KLF12: variants seen among roughly 807,000 people sequenced by gnomAD.
KLF12 encodes KLF transcription factor 12, also known as Krueppel-like factor 12.
A neutral mutation model predicts 37.8 loss-of-function variants in KLF12; 9 were observed. The ratio of observed to expected loss-of-function variants is 0.24; its 90% CI spans 0.14 to 0.42. The LOEUF is 0.42. Among genes scored for constraint, KLF12 ranks in the 10% least tolerant of loss-of-function variants. The probability of loss-of-function intolerance (pLI) is 1.00; values close to 1 mark genes in which losing one functional copy is unlikely to be tolerated. For missense variants in KLF12, 411 were observed against 516.0 expected, an observed-to-expected ratio of 0.80 and a Z score of 1.97; for synonymous variants, 208 against 202.1, an observed-to-expected ratio of 1.03 and a Z score of -0.25.
At chr13:74,246,020 C>G in the KLF12 span, among the ~76,000 whole-genome samples, 1 of 152,184 alleles carries the variant, frequency 6.6e-6, no homozygotes, top group African/African-American at 2.4e-5. Context: ...ACCTAAAGGT[C>G]TTTTTCTCAA....
intron 2 of KLF12, among the ~76,000 whole-genome samples, chr13:73,959,220 G>A (rs941117073): frequency 2.6e-5 from 4 of 151,030 alleles, no homozygotes; most frequent in Non-Finnish European, 5.9e-5. Context: ...TATTTCTCAG[G>A]CTAGCAACTG....
intron 3 of KLF12, among the ~76,000 whole-genome samples, chr13:73,890,680 G>A (rs1887462534): frequency 6.6e-6 from 1 of 151,254 alleles, no homozygotes; most frequent in African/African-American, 2.4e-5. Context: ...CCTACACTAA[G>A]TAACATAATC....
chr13:73,909,858 T>C (rs1473700425), intron 3 of KLF12, among the ~76,000 whole-genome samples: 1 of 152,254 alleles, frequency 6.6e-6, no homozygotes, highest in African/African-American at 2.4e-5. Context: ...TTGGTTTTTC[T>C]TGATCTACTA....
chr13:73,857,474 G>A (rs746441132), intron 3 of KLF12, among the ~76,000 whole-genome samples: 24 of 152,040 alleles, frequency 1.6e-4, no homozygotes, highest in East Asian at 3.9e-4. Flanking sequence ...AAAATGTGAC[G>A]GAATTTGTTT....
chr13:73,887,601 A>G (rs946170702), intron 3 of KLF12, among the ~76,000 whole-genome samples: 9 of 152,298 alleles, frequency 5.9e-5, no homozygotes, highest in Admixed American at 4.6e-4. Context: ...GAGCCAATTA[A>G]ACCTCTTTTC....
chr13:73,820,767 G>A (rs924954087), intron 4 of KLF12, among the ~76,000 whole-genome samples: 2 of 152,140 alleles, frequency 1.3e-5, no homozygotes, highest in South Asian at 2.1e-4. Context: ...ACCTCATAAT[G>A]TTCTTATAAT....
intron 3 of KLF12, among the ~76,000 whole-genome samples, chr13:73,916,847 T>C (rs911474300): frequency 6.6e-6 from 1 of 152,228 alleles, no homozygotes; most frequent in African/African-American, 2.4e-5. Flanking sequence ...TTCTACACTG[T>C]AAGTGCAAGG....
At chr13:74,148,015 G>A in the KLF12 span, among the ~76,000 whole-genome samples, 4 of 151,728 alleles carry the variant, frequency 2.6e-5, 1 homozygote, top group South Asian at 4.2e-4. Flanking sequence ...AGGTTCAAAC[G>A]ATTCTCATGT....
rs1357864399 is a variant in KLF12 at position 74,088,256 on chromosome 13, A to G, written c.-32+45483T>C. The stretch of plus-strand genomic sequence containing the variant: ...ACCATAGAAACTATTACACTGATAA[A>G]AAGTGTGGCTATAGCTTTTTTTTTT... On this transcript the variant is annotated intron_variant, in intron 1 of 7. Transcript: ENST00000377669. 2.0e-5 allele frequency among the ~76,000 whole-genome samples: 3 copies of G among 152,136 alleles called. No homozygotes were observed. The East Asian group carries it at 5.8e-4, about 29-fold the overall frequency.
the KLF12 span, among the ~76,000 whole-genome samples, chr13:74,218,303 A>G: frequency 6.6e-6 from 1 of 152,212 alleles, no homozygotes; most frequent in African/African-American, 2.4e-5. Context: ...AAGGTGGGGA[A>G]CAATAAGGCA....
chr13:73,721,084 C>T lies in KLF12; in HGVS notation c.870-5559G>A, dbSNP rs553656864. Among the ~76,000 whole-genome samples the T allele has an allele frequency of 5.9e-5, 9 of 152,262 alleles. No homozygotes were observed. In the East Asian group the frequency reaches 1.4e-3, roughly 23 times the overall value. On this transcript the variant is annotated intron_variant, in intron 6 of 7. Transcript: ENST00000377669. ...AGAATGCTTAGTGGGTGTCAGGCAC[C>T]GACCTAAATGCCTTAAGCTTCAGAG... is the stretch of plus-strand genomic sequence containing the variant.
chr13:73,850,248 A>G (rs1379002953), intron 3 of KLF12, among the ~76,000 whole-genome samples: 1 of 152,334 alleles, frequency 6.6e-6, no homozygotes, highest in East Asian at 1.9e-4. Flanking sequence ...AATATTACAT[A>G]TAACATTCCA....
At chr13:73,901,362 C>G (rs1445619816) in intron 3 of KLF12, among the ~76,000 whole-genome samples, 1 of 152,182 alleles carries the variant, frequency 6.6e-6, no homozygotes, top group Admixed American at 6.5e-5. Context: ...TAAACAGCAT[C>G]AACTTTAGAA....
chr13:73,970,546 T>C (rs1037541243), intron 2 of KLF12, among the ~76,000 whole-genome samples: 34 of 152,212 alleles, frequency 2.2e-4, no homozygotes, highest in African/African-American at 7.7e-4. Flanking sequence ...CTGAAGAAGC[T>C]TGTTAGTATC....
the KLF12 span, among the ~76,000 whole-genome samples, chr13:74,233,770 T>A: frequency 7.9e-5 from 12 of 152,210 alleles, no homozygotes; most frequent in Admixed American, 5.9e-4. Context: ...GATCATCATA[T>A]GATAAGAATG....
chr13:73,937,730 T>A (rs1206122060), intron 3 of KLF12, among the ~76,000 whole-genome samples: 8 of 152,244 alleles, frequency 5.3e-5, no homozygotes, highest in Admixed American at 4.6e-4. Context: ...GTCTGCCTGC[T>A]ATATTTCCCT....
At chr13:74,205,504 G>A in the KLF12 span, among the ~76,000 whole-genome samples, 1 of 152,094 alleles carries the variant, frequency 6.6e-6, no homozygotes, top group Non-Finnish European at 1.5e-5. Context: ...AGTGTATTGA[G>A]TAAAGAAAAA....
intron 3 of KLF12, among the ~76,000 whole-genome samples, chr13:73,898,177 T>C (rs370966741): frequency 1.3e-3 from 201 of 152,342 alleles, no homozygotes; most frequent in African/African-American, 4.5e-3. Context: ...ATATTTCCTA[T>C]GACAGCATTT....
chr13:73,739,505 T>C (rs1257159681), intron 6 of KLF12, among the ~76,000 whole-genome samples: 1 of 152,130 alleles, frequency 6.6e-6, no homozygotes, highest in Non-Finnish European at 1.5e-5. Context: ...TCATGTAAGA[T>C]GTAGAAGTGA....
Sources: allele counts gnomAD v4.1 joint callset (sites outside exome capture counted in the v4.1 genomes callset), GRCh38; gene constraint gnomAD v4.1.1; transcripts MANE v1.5; gene names NCBI Gene and HGNC (gene_info 2026-07-23, HGNC 2026-07-21).